Variants in EXOSC1 observed in about 807,000 individuals in gnomAD.
EXOSC1 encodes the protein exosome complex component CSL4.
A neutral mutation model predicts 31.4 loss-of-function variants in EXOSC1; 27 were observed. The ratio of observed to expected loss-of-function variants is 0.86; its 90% confidence interval spans 0.63 to 1.18. EXOSC1 has a LOEUF of 1.18. Among genes scored for constraint, EXOSC1 ranks in the 50% most tolerant of loss-of-function variants. The probability of loss-of-function intolerance (pLI) is 0.00; values close to 1 mark genes in which losing one functional copy is unlikely to be tolerated. For missense variants in EXOSC1, 228 were observed against 250.3 expected, an observed-to-expected ratio of 0.91 and a Z score of 0.60; for synonymous variants, 84 against 89.5, an observed-to-expected ratio of 0.94 and a Z score of 0.35.
chr10:97,437,648 T>G, intron 6 of EXOSC1, 52 bp downstream of exon 6: 2 of 1,569,842 alleles, frequency 1.3e-6, no homozygotes, highest in African/African-American at 2.7e-5. Flanking sequence ...ACACCCGGCC[T>G]CCTTCTCTTC....
intron 2 of EXOSC1, chr10:97,443,907 C>G (rs1176566512): frequency 1.3e-5 from 2 of 152,244 alleles, no homozygotes; most frequent in African/African-American, 4.8e-5. Context: ...ATTCTCCTGC[C>G]TCAGCCTCCC....
Position 97,445,989 on chromosome 10 carries a change from T to G in EXOSC1, c.-4A>C. The G allele has an allele frequency of 6.2e-7, 1 of 1,614,214 alleles. No individual in the cohort carries two copies. The highest frequency in any genetic ancestry group is 8.5e-7 in the Non-Finnish European group (1 of 1,180,028). ...AGTATCTCACAGGTGGCGCCATGATTGCCGCTGTCCCAAAACCAGGATGAA... is the reference window on the plus strand; with the variant it reads ...AGTATCTCACAGGTGGCGCCATGATGGCCGCTGTCCCAAAACCAGGATGAA... On this transcript the variant is annotated 5_prime_UTR_variant, in exon 1 of 8. Coordinates refer to ENST00000370902, the MANE Select transcript of EXOSC1 (RefSeq NM_016046.5).
intron 7 of EXOSC1, 46 bp downstream of exon 7, chr10:97,437,145 C>G (rs745473543): frequency 1.3e-6 from 2 of 1,522,512 alleles, no homozygotes; most frequent in East Asian, 4.5e-5. Flanking sequence ...TTATCCCAAA[C>G]CATAGATCCA....
chr10:97,445,815 G>T lies in EXOSC1; in HGVS notation c.64C>A (p.Pro22Thr). The change falls in exon 2 of 8, where the codon CCG (proline) becomes ACG (threonine). Residue 22 changes from proline to threonine, a missense_variant. Physicochemically the swap from Pro to Thr is conservative, Grantham distance 38 (BLOSUM62 -1). Coordinates refer to ENST00000370902, the MANE Select transcript of EXOSC1 (RefSeq NM_016046.5). Reference sequence around the variant, plus strand: ...TGGCGGGTGTAGGTGCCGCTGCCCGGGCTGCCCTCCTCCAAGTTACACAGA... The same window carrying T: ...TGGCGGGTGTAGGTGCCGCTGCCCGTGCTGCCCTCCTCCAAGTTACACAGA... ...ERLCNLEEGS[P>T]GSGTYTRHGY... 1 of 1,613,960 alleles carries T rather than the reference G, an allele frequency of 6.2e-7. No homozygotes were observed. The highest frequency in any genetic ancestry group is 8.5e-7 in the Non-Finnish European group (1 of 1,179,906).
intron 4 of EXOSC1, among the ~76,000 whole-genome samples, chr10:97,440,249 G>T (rs958089643): frequency 1.3e-5 from 2 of 152,176 alleles, no homozygotes; most frequent in Admixed American, 1.3e-4. Context: ...TGGGATTACA[G>T]GCATGAGCCA....
In EXOSC1 at chr10:97,440,050, G is replaced by A. The variant is rs183081718; in HGVS notation, c.311+1121C>T. 3.4e-3 allele frequency among the ~76,000 whole-genome samples: 503 copies of A among 146,056 alleles called. 3 individuals are homozygous for A. The highest frequency in any genetic ancestry group is 0.012 in the African/African-American group (456 of 39,380). ...TACAATGGCACGATCTTGGCTCACC[G>A]CAAGCTCCGCCTCCCAGGTTCAAGT... On this transcript the variant is annotated intron_variant, in intron 4 of 7. Transcript: ENST00000370902.
chr10:97,436,406 G>T lies in EXOSC1; in HGVS notation c.*39C>A. On this transcript the variant is annotated 3_prime_UTR_variant, in exon 8 of 8. Coordinates refer to ENST00000370902, the MANE Select transcript of EXOSC1 (RefSeq NM_016046.5). ...AGCAGCATCTTGGTGTTATACTCAG[G>T]AACAGCTTACCCCCTTCCATAGGGT... 1.4e-6 allele frequency: 2 copies of T among 1,459,344 alleles called. No individual in the cohort carries two copies. Among genetic ancestry groups the T allele is most frequent in the Non-Finnish European group, 1.9e-6 (2 of 1,041,242 alleles). 90.4% of individuals were successfully genotyped at this position (1,459,344 alleles called of 1,614,324 possible). A position where few individuals can be genotyped will look rare whatever the true frequency, so the allele number is the denominator to read the frequency against.
chr10:97,440,969 C>A (rs1448973029), intron 4 of EXOSC1: 2 of 445,586 alleles, frequency 4.5e-6, no homozygotes, highest in African/African-American at 4.1e-5. Flanking sequence ...TACTTTTAAA[C>A]CCTCTCGTTA....
At chr10:97,445,639 A>G (rs1336591411) in intron 2 of EXOSC1, 93 bp downstream of exon 2, 4 of 1,170,362 alleles carry the variant, frequency 3.4e-6, no homozygotes, top group African/African-American at 3.1e-5. Flanking sequence ...CTGAGGCACT[A>G]AAGACGCGTC....
At chr10:97,444,894 TACTC>T (rs1400140582) in intron 2 of EXOSC1, 1 of 152,252 alleles carries the variant, frequency 6.6e-6, no homozygotes, top group East Asian at 1.9e-4. Flanking sequence ...AGGTAGGTAT[TACTC>T]ACACATTCAA....
intron 6 of EXOSC1, 77 bp downstream of exon 6, chr10:97,437,622 AC>A: frequency 7.2e-7 from 1 of 1,385,502 alleles, no homozygotes; most frequent in Non-Finnish European, 1.0e-6. Context: ...TGCTGGGATT[AC>A]AGGCATGAGC....
chr10:97,437,891 T>A, intron 5 of EXOSC1, 141 bp from the exon 6 acceptor site: 1 of 703,708 alleles, frequency 1.4e-6, no homozygotes, highest in Non-Finnish European at 2.4e-6. Flanking sequence ...CAAGAACTTT[T>A]AATTGCTTCT....
At position 97,443,291 on chromosome 10, in the gene EXOSC1, C is replaced by T. The variant is rs1589467913; in HGVS notation, c.168G>A (p.Val56=). Residue 56 remains valine (V), a synonymous_variant, in exon 3 of 8, where the codon GTG becomes GTA. Coordinates refer to ENST00000370902, the MANE Select transcript of EXOSC1 (RefSeq NM_016046.5). ...GCAGTAACTGGGACTCTGTTTCTCT[C>T]ACTACAGACACCACTGGAAGCTACA... ...ENGALPVVSV[V]RETESQLLPD... 6.2e-7 allele frequency: 1 copy of T among 1,614,132 alleles called. No individual in the cohort carries two copies. The highest frequency in any genetic ancestry group is 1.1e-5 in the South Asian group (1 of 91,080).
At position 97,437,275 on chromosome 10, in the gene EXOSC1, TC is replaced by T; in HGVS notation, c.397-1del. On this transcript the variant is annotated splice_acceptor_variant, in intron 6 of 7. Coordinates refer to ENST00000370902, the MANE Select transcript of EXOSC1 (RefSeq NM_016046.5). LOFTEE classifies it high-confidence loss of function. ...TTGGACTGTGCATCACCTAAGGAGA[TC>T]TAGTCACATAACACCGGTGAAGGAA... 5 of 1,612,948 alleles carry T rather than the reference TC, an allele frequency of 3.1e-6. No homozygotes were observed. The highest frequency in any genetic ancestry group is 4.2e-6 in the Non-Finnish European group (5 of 1,179,202).
intron 5 of EXOSC1, 130 bp downstream of exon 5, chr10:97,438,540 A>C: frequency 1.2e-6 from 1 of 806,116 alleles, no homozygotes; most frequent in Admixed American, 2.3e-5. Context: ...CCTGGACTCA[A>C]GTGATCCTCC....
At chr10:97,443,790 T>A (rs1396508696) in intron 2 of EXOSC1, 2 of 153,046 alleles carry the variant, frequency 1.3e-5, no homozygotes, top group Non-Finnish European at 2.9e-5. Context: ...TTGACAATTT[T>A]ACTTTTTTTG....
intron 2 of EXOSC1, 181 bp downstream of exon 2, chr10:97,445,551 A>G (rs1478645463): frequency 1.6e-6 from 1 of 621,584 alleles, no homozygotes. Flanking sequence ...AGCGAGATCA[A>G]CACAACTAGT....
In EXOSC1 at chr10:97,438,668, A is replaced by G; in HGVS notation, c.345+2T>C. The stretch of plus-strand genomic sequence containing the variant: ...ATTAAAAAAAAAGAACCAACCAACA[A>G]CCTTGTCTTTTTCAGTTGCTCGGAC... On this transcript the variant is annotated splice_donor_variant, in intron 5 of 7. Transcript: ENST00000370902. LOFTEE classifies it high-confidence loss of function. 2 of 1,611,068 alleles carry G rather than the reference A, an allele frequency of 1.2e-6. No individual in the cohort carries two copies. Among genetic ancestry groups the G allele is most frequent in the Non-Finnish European group, 1.7e-6 (2 of 1,178,718 alleles).
intron 7 of EXOSC1, 35 bp downstream of exon 7, chr10:97,437,156 G>A: frequency 6.4e-7 from 1 of 1,572,240 alleles, no homozygotes; most frequent in Non-Finnish European, 8.8e-7. Context: ...CATAGATCCA[G>A]GGAAAGTAAG....
Sources: allele counts gnomAD v4.1 joint callset (sites outside exome capture counted in the v4.1 genomes callset), GRCh38; gene constraint gnomAD v4.1.1; transcripts MANE v1.5; gene names NCBI Gene and HGNC (gene_info 2026-07-23, HGNC 2026-07-21).